Variants in AFF3 observed in about 807,000 individuals in gnomAD.
AFF3 encodes the protein AF4/FMR2 family member 3.
AFF3 carries 32 observed loss-of-function variants against 129.7 expected under a neutral mutation model. The observed-to-expected ratio is 0.25, with a 90% confidence interval of 0.19 to 0.33. AFF3 has a LOEUF of 0.33. Among genes scored for constraint, AFF3 ranks in the 10% least tolerant of loss-of-function variants. The pLI is 1.00. For missense variants in AFF3, 1,373 were observed against 1,592.0 expected (o/e 0.86, Z 2.34); for synonymous variants, 644 against 635.4 (o/e 1.01, Z -0.20).
Position 100,104,393 on chromosome 2 carries a change from G to C in AFF3, c.53+9C>G, listed in dbSNP as rs1427010210. 1 of 1,186,998 alleles carries C rather than the reference G, an allele frequency of 8.4e-7. No individual in the cohort carries two copies. The highest frequency in any genetic ancestry group is 1.1e-6 in the Non-Finnish European group (1 of 931,926). The allele number at this position is 1,186,998 out of a possible 1,614,324, so 73.5% of individuals were successfully genotyped here. ...CCGCCCGCCCGAAGCGGCCGGCACGGGGACTTACCACAGTGACTCGAGGTC... is the reference window on the plus strand; with the variant it reads ...CCGCCCGCCCGAAGCGGCCGGCACGCGGACTTACCACAGTGACTCGAGGTC... On this transcript the variant is annotated intron_variant, in intron 4 of 24. Transcript: ENST00000672756.
intron 4 of AFF3, among the ~76,000 whole-genome samples, chr2:100,102,728 GA>G (rs1483976836): frequency 4.3e-5 from 5 of 115,470 alleles, no homozygotes; most frequent in Non-Finnish European, 8.7e-5. Context: ...AAAATATACC[GA>G]AACAGTAAGT....
At chr2:99,703,501 T>A (rs1262336339) in intron 11 of AFF3, among the ~76,000 whole-genome samples, 1 of 152,242 alleles carries the variant, frequency 6.6e-6, no homozygotes, top group Non-Finnish European at 1.5e-5. Context: ...ACACCATTCA[T>A]TGAAAACGTT....
intron 10 of AFF3, among the ~76,000 whole-genome samples, chr2:99,742,970 G>A (rs1680843011): frequency 6.6e-6 from 1 of 152,238 alleles, no homozygotes; most frequent in African/African-American, 2.4e-5. Flanking sequence ...AGGGAGGAAA[G>A]CAAGGGTAAC....
chr2:99,771,243 C>T (rs1276237396), intron 8 of AFF3, among the ~76,000 whole-genome samples: 1 of 151,966 alleles, frequency 6.6e-6, no homozygotes, highest in Non-Finnish European at 1.5e-5. Flanking sequence ...TGGGGAAAAA[C>T]ACATACTGAG....
intron 7 of AFF3, among the ~76,000 whole-genome samples, chr2:99,843,575 G>A (rs1481610640): frequency 6.6e-6 from 1 of 152,140 alleles, no homozygotes; most frequent in African/African-American, 2.4e-5. Flanking sequence ...GGATACAAAA[G>A]CTCAGCTTCA....
intron 7 of AFF3, among the ~76,000 whole-genome samples, chr2:99,911,972 G>A (rs2106200693): frequency 1.3e-5 from 2 of 152,332 alleles, no homozygotes; most frequent in East Asian, 1.9e-4. Context: ...TAGCTGGCAG[G>A]AGAAAGTGCC....
At chr2:99,709,281 T>C (rs989950907) in intron 11 of AFF3, among the ~76,000 whole-genome samples, 3 of 152,308 alleles carry the variant, frequency 2.0e-5, no homozygotes, top group South Asian at 2.1e-4. Flanking sequence ...TGTCACAAAC[T>C]AGCTGTGTGA....
At chr2:99,643,305 G>A (rs916423285) in intron 13 of AFF3, among the ~76,000 whole-genome samples, 3 of 151,984 alleles carry the variant, frequency 2.0e-5, no homozygotes, top group Non-Finnish European at 2.9e-5. Context: ...TGATCCGCCC[G>A]CCTTGGCCTC....
At chr2:100,026,186 C>T (rs1038468044) in intron 4 of AFF3, among the ~76,000 whole-genome samples, 1 of 152,002 alleles carries the variant, frequency 6.6e-6, no homozygotes, top group African/African-American at 2.4e-5. Context: ...CTACAACAAA[C>T]AAACAAATCA....
intron 8 of AFF3, among the ~76,000 whole-genome samples, chr2:99,836,266 G>A (rs1488044774): frequency 1.3e-5 from 2 of 152,110 alleles, no homozygotes. Flanking sequence ...TGGAATATGT[G>A]AACTGCAAAT....
chr2:100,057,772 GT>G (rs1471893475), intron 4 of AFF3, among the ~76,000 whole-genome samples: 2 of 152,140 alleles, frequency 1.3e-5, no homozygotes. Context: ...CTCCAAGGAA[GT>G]TTCTTCTCTG....
At chr2:99,703,609 G>A (rs978285613) in intron 11 of AFF3, among the ~76,000 whole-genome samples, 1 of 150,520 alleles carries the variant, frequency 6.6e-6, no homozygotes. Context: ...CATTTTCTTC[G>A]TTTACTGTTT....
At chr2:100,100,784 G>T (rs945177436) in intron 4 of AFF3, among the ~76,000 whole-genome samples, 2 of 152,166 alleles carry the variant, frequency 1.3e-5, no homozygotes, top group African/African-American at 4.8e-5. Context: ...TAAAAGGGAT[G>T]GTCATTATTT....
At chr2:99,783,246 C>T (rs1684534605) in intron 8 of AFF3, among the ~76,000 whole-genome samples, 1 of 152,200 alleles carries the variant, frequency 6.6e-6, no homozygotes, top group African/African-American at 2.4e-5. Context: ...CTCAAGTCCC[C>T]TTTAATATCC....
At chr2:99,901,590 A>G (rs1199796050) in intron 7 of AFF3, among the ~76,000 whole-genome samples, 8 of 152,128 alleles carry the variant, frequency 5.3e-5, no homozygotes, top group Admixed American at 3.3e-4. Context: ...TCTGGGGCTT[A>G]GCCTCTCCTC....
intron 7 of AFF3, among the ~76,000 whole-genome samples, chr2:99,888,814 A>G (rs934378125): frequency 7.9e-5 from 12 of 152,160 alleles, no homozygotes; most frequent in African/African-American, 2.7e-4. Context: ...CAAGAGGCCA[A>G]GGAGGGATGA....
chr2:100,008,342 A>G (rs1285310768), intron 5 of AFF3, among the ~76,000 whole-genome samples: 1 of 152,192 alleles, frequency 6.6e-6, no homozygotes, highest in Non-Finnish European at 1.5e-5. Context: ...AAGCAAGGTT[A>G]TATTTCTGGC....
chr2:99,551,396 A>G lies in AFF3; in HGVS notation c.*78T>C, dbSNP rs1575321531. 2.6e-6 allele frequency: 4 copies of G among 1,562,418 alleles called. No individual in the cohort carries two copies. The highest frequency in any genetic ancestry group is 8.7e-7 in the Non-Finnish European group (1 of 1,145,456). On this transcript the variant is annotated 3_prime_UTR_variant, in exon 25 of 25. Transcript: ENST00000672756. ...CAGTCTGATAAATGCTGTGGCTGGG[A>G]GTTTCAGTAGCACAGTGTCCAAAAA...
rs143320974 is a variant in AFF3, at chr2:99,857,052, G to T, written c.874-19528C>A. On this transcript the variant is annotated intron_variant, in intron 7 of 24. Coordinates refer to ENST00000672756, the MANE Select transcript of AFF3 (RefSeq NM_001386135.1). ...CTAGAAAGAACCACAGAGACAAATA[G>T]TGTTCTAATTTTTATCTTTACTTTT... is the stretch of plus-strand genomic sequence containing the variant. Among the ~76,000 whole-genome samples, 232 of 152,108 alleles carry T rather than the reference G, an allele frequency of 1.5e-3. 1 individual carries two copies. Among genetic ancestry groups the T allele is most frequent in the African/African-American group, 5.4e-3 (223 of 41,504 alleles).
Sources: allele counts gnomAD v4.1 joint callset (sites outside exome capture counted in the v4.1 genomes callset), GRCh38; gene constraint gnomAD v4.1.1; transcripts MANE v1.5; gene names NCBI Gene and HGNC (gene_info 2026-07-23, HGNC 2026-07-21).